PRDM16: variants seen among roughly 807,000 people sequenced by gnomAD.
The protein encoded by PRDM16 is histone-lysine N-methyltransferase PRDM16.
PRDM16 carries 23 observed loss-of-function variants against 110.6 expected under a neutral mutation model. The observed-to-expected ratio is 0.21, with a 90% CI of 0.15 to 0.29. PRDM16 has a LOEUF of 0.29. Ranked by LOEUF, PRDM16 falls within the 10% of genes least tolerant of loss-of-function variation. The pLI is 1.00. For missense variants in PRDM16, 1,615 were observed against 1,794.3 expected (o/e 0.90, Z 1.81); for synonymous variants, 799 against 781.8 (o/e 1.02, Z -0.37).
chr1:3,110,913 G>A (rs1642776860), intron 1 of PRDM16, among the ~76,000 whole-genome samples: 1 of 152,212 alleles, frequency 6.6e-6, no homozygotes, highest in Non-Finnish European at 1.5e-5. Context: ...GCCCCGGGGT[G>A]GGGTGGGGGA....
intron 3 of PRDM16, among the ~76,000 whole-genome samples, chr1:3,266,771 G>A (rs1332852014): frequency 6.6e-6 from 1 of 152,164 alleles, no homozygotes; most frequent in Non-Finnish European, 1.5e-5. Flanking sequence ...TGCCTCCCAG[G>A]GTCAAACAAT....
chr1:3,180,219 A>AC (rs1370472812), intron 1 of PRDM16, among the ~76,000 whole-genome samples: 1 of 111,818 alleles, frequency 8.9e-6, no homozygotes, highest in Non-Finnish European at 1.9e-5. Flanking sequence ...AGCTCCTCCC[A>AC]CCCCCCAGGC....
At chr1:3,176,734 A>ATCCG (rs1297972722) in intron 1 of PRDM16, among the ~76,000 whole-genome samples, 1 of 147,862 alleles carries the variant, frequency 6.8e-6, no homozygotes, top group Non-Finnish European at 1.5e-5. Context: ...CCATCCATCC[A>ATCCG]TCCATCCATC....
rs1643605091 is a variant in PRDM16, at chr1:3,144,300, C to T, written c.38-41825C>T. On this transcript the variant is annotated intron_variant, in intron 1 of 16. Coordinates refer to ENST00000270722, the MANE Select transcript of PRDM16 (RefSeq NM_022114.4). ...TCCCTGGGAGGGAGAGAGGCGCCGGCCATCCCTCGGGTTGGATGCAGACAG... is the reference window on the plus strand; with the variant it reads ...TCCCTGGGAGGGAGAGAGGCGCCGGTCATCCCTCGGGTTGGATGCAGACAG... 3.9e-5 allele frequency among the ~76,000 whole-genome samples: 6 copies of T among 152,212 alleles called. No homozygotes were observed. The South Asian group carries it at 1.2e-3, about 32-fold the overall frequency.
At chr1:3,369,471 A>G (rs1437243126) in intron 3 of PRDM16, among the ~76,000 whole-genome samples, 1 of 152,164 alleles carries the variant, frequency 6.6e-6, no homozygotes, top group African/African-American at 2.4e-5. Context: ...TGTCATCCAG[A>G]TATCCGGCAT....
intron 2 of PRDM16, among the ~76,000 whole-genome samples, chr1:3,242,352 T>A (rs1639692248): frequency 6.6e-6 from 1 of 152,190 alleles, no homozygotes; most frequent in Non-Finnish European, 1.5e-5. Context: ...GGCAACAAGA[T>A]CCACAGTTTC....
At chr1:3,144,707 C>A (rs1326582779) in intron 1 of PRDM16, among the ~76,000 whole-genome samples, 1 of 152,226 alleles carries the variant, frequency 6.6e-6, no homozygotes, top group Non-Finnish European at 1.5e-5. Flanking sequence ...ATGGGCTATG[C>A]ACCCAGCCGC....
At chr1:3,181,978 C>T (rs1014315131) in intron 1 of PRDM16, among the ~76,000 whole-genome samples, 1 of 152,064 alleles carries the variant, frequency 6.6e-6, no homozygotes, top group Non-Finnish European at 1.5e-5. Flanking sequence ...CACATGCAGT[C>T]ACATGCTTAC....
intron 2 of PRDM16, among the ~76,000 whole-genome samples, chr1:3,193,171 C>A (rs940140157): frequency 6.6e-6 from 1 of 152,208 alleles, no homozygotes; most frequent in Non-Finnish European, 1.5e-5. Context: ...CAGGGGGCAG[C>A]TTTGGGTGTG....
intron 2 of PRDM16, among the ~76,000 whole-genome samples, chr1:3,199,331 G>A (rs998496726): frequency 2.0e-5 from 3 of 152,210 alleles, no homozygotes; most frequent in African/African-American, 7.2e-5. Context: ...AACCTTGTGT[G>A]AAAACAACGA....
chr1:3,211,638 G>A (rs990115588), intron 2 of PRDM16, among the ~76,000 whole-genome samples: 2 of 152,348 alleles, frequency 1.3e-5, no homozygotes, highest in African/African-American at 4.8e-5. Context: ...CCCACTGGCC[G>A]CAGCAGTGGG....
Position 3,412,382 on chromosome 1 carries a change from T to C in PRDM16, c.2185T>C (p.Phe729Leu), listed in dbSNP as rs766466041. 1.9e-6 allele frequency: 3 copies of C among 1,613,390 alleles called. No individual in the cohort carries two copies. Among genetic ancestry groups the C allele is most frequent in the Middle Eastern group, 3.3e-4 (2 of 6,060 alleles). ...CTACCACTCGGCGTTCCCCTTCCAGTTCCTGCCCAACTTCCCCCACTCCCT... is the reference window on the plus strand; with the variant it reads ...CTACCACTCGGCGTTCCCCTTCCAGCTCCTGCCCAACTTCCCCCACTCCCT... ...LPYHSAFPFQ[F>L]LPNFPHSLYP... The change falls in exon 9 of 17, where the codon TTC becomes CTC. Residue 729 changes from phenylalanine to leucine, a missense_variant. By Grantham distance (22) the Phe-to-Leu change is conservative. Around this residue, in one of 5 missense-constraint regions of PRDM16, gnomAD observed 772 missense variants for 748.3 expected, o/e 1.03. Transcript: ENST00000270722.
rs1211816408 is a variant in PRDM16 at position 3,350,572 on chromosome 1, G to A, written c.439-34580G>A. 1.3e-5 allele frequency among the ~76,000 whole-genome samples: 2 copies of A among 152,158 alleles called. No individual in the cohort carries two copies. Among genetic ancestry groups the A allele is most frequent in the Non-Finnish European group, 2.9e-5 (2 of 68,024 alleles). Reference sequence around the variant, plus strand: ...AGGACAAGGGGAGGGGACCAGGGTGGCAGGCAGCTGTGGGCGGGTGGAAAG... The same window carrying A: ...AGGACAAGGGGAGGGGACCAGGGTGACAGGCAGCTGTGGGCGGGTGGAAAG... On this transcript the variant is annotated intron_variant, in intron 3 of 16. Coordinates refer to ENST00000270722, the MANE Select transcript of PRDM16 (RefSeq NM_022114.4). The surrounding 1 kb of genome is among the most constrained non-coding windows in gnomAD (Gnocchi z 7.1).
intron 2 of PRDM16, among the ~76,000 whole-genome samples, chr1:3,221,068 C>T (rs373955358): frequency 6.6e-6 from 1 of 152,132 alleles, no homozygotes; most frequent in African/African-American, 2.4e-5. Context: ...AGAGGGGGGA[C>T]GGGTTGCCAG....
intron 1 of PRDM16, among the ~76,000 whole-genome samples, chr1:3,100,534 G>A (rs111847369): frequency 6.6e-6 from 1 of 152,248 alleles, no homozygotes; most frequent in African/African-American, 2.4e-5. Context: ...CGGGGCCTCT[G>A]CTGGGGCCTC....
intron 1 of PRDM16, among the ~76,000 whole-genome samples, chr1:3,169,834 G>A (rs1013629790): frequency 7.9e-5 from 12 of 152,216 alleles, no homozygotes; most frequent in African/African-American, 2.9e-4. Flanking sequence ...CCGTGTCCAT[G>A]GGCCACGCTC....
At chr1:3,073,391 T>G (rs1280406822) in intron 1 of PRDM16, among the ~76,000 whole-genome samples, 1 of 152,232 alleles carries the variant, frequency 6.6e-6, no homozygotes, top group Non-Finnish European at 1.5e-5. Flanking sequence ...TATCCGGGAT[T>G]AAAAATCTTT....
rs1557514375 is a variant in PRDM16 at position 3,186,312 on chromosome 1, T to G, written c.225T>G (p.Pro75=). ...GSPYEAPVYI[P]EDIPIPADFE... ...CGTACGAGGCCCCTGTCTACATTCC[T>G]GAAGACATTCCGATCCCAGCAGACT... The change falls in exon 2 of 17, where the codon CCT becomes CCG. Residue 75 remains proline (P), a synonymous_variant. Coordinates refer to ENST00000270722, the MANE Select transcript of PRDM16 (RefSeq NM_022114.4). 10 of 1,612,262 alleles carry G rather than the reference T, an allele frequency of 6.2e-6. No individual in the cohort carries two copies. Among genetic ancestry groups the G allele is most frequent in the Non-Finnish European group, 8.5e-6 (10 of 1,179,692 alleles).
chr1:3,383,810 C>T (rs537976922), intron 3 of PRDM16, among the ~76,000 whole-genome samples: 43 of 150,530 alleles, frequency 2.9e-4, no homozygotes, highest in South Asian at 1.8e-3. Flanking sequence ...CACCCCTGCC[C>T]GCCCAGACAC....
Sources: gnomAD v4.1 joint callset for allele counts (sites outside exome capture counted in the v4.1 genomes callset) on GRCh38, gnomAD v4.1.1 for gene constraint, gnomAD v4.1.1 regional missense constraint, Gnocchi (gnomAD v3.1) non-coding constraint, MANE v1.5 for transcripts, NCBI Gene and HGNC (gene_info 2026-07-23, HGNC 2026-07-21) for gene names.